The following ART3 variants were observed in gnomAD, a reference collection of about 807,000 sequenced individuals.
The protein encoded by ART3 is ADP-ribosyltransferase 3 (inactive), also known as ecto-ADP-ribosyltransferase 3.
Under a neutral mutation model 48.5 loss-of-function variants are expected in ART3, and 49 were observed. That is an observed-to-expected ratio of 1.01 (90% CI 0.80 to 1.28). ART3 has a LOEUF of 1.28. Among genes scored for constraint, ART3 ranks in the 50% most tolerant of loss-of-function variants. The pLI is 0.00. For synonymous variants in ART3, 145 were observed against 157.2 expected (o/e 0.92, Z 0.58); for missense variants, 438 against 454.3 (o/e 0.96, Z 0.33).
intron 1 of ART3, chr4:76,036,141 T>C: frequency 1.6e-6 from 1 of 633,050 alleles, no homozygotes; most frequent in African/African-American, 1.9e-5. Context: ...GGCACAGGAA[T>C]TTCCCTCTTT....
chr4:76,109,141 T>A (rs1729006478), intron 11 of ART3, among the ~76,000 whole-genome samples: 1 of 152,020 alleles, frequency 6.6e-6, no homozygotes, highest in South Asian at 2.1e-4. Context: ...AAACTTAATT[T>A]TAATCTGACT....
chr4:76,081,087 G>A (rs1461712210), intron 2 of ART3, among the ~76,000 whole-genome samples: 1 of 152,190 alleles, frequency 6.6e-6, no homozygotes. Context: ...TACAACTGGT[G>A]AAGAGTACAG....
chr4:76,042,733 G>T (rs1482682506), intron 1 of ART3, among the ~76,000 whole-genome samples: 2 of 152,152 alleles, frequency 1.3e-5, no homozygotes, highest in Admixed American at 6.5e-5. Flanking sequence ...CGCGGTGAGT[G>T]TTACAGCTCA....
At chr4:76,106,509 C>A in intron 10 of ART3, 1 of 268,912 alleles carries the variant, frequency 3.7e-6, no homozygotes, top group Non-Finnish European at 5.7e-6. Context: ...GAGAGTTTAT[C>A]AGCGGCTTGG....
chr4:76,016,424 G>GTC (rs996100994), intron 1 of ART3, among the ~76,000 whole-genome samples: 4 of 152,124 alleles, frequency 2.6e-5, no homozygotes, highest in African/African-American at 7.2e-5. Flanking sequence ...AACAAATGAA[G>GTC]TCTCTCTCTC....
intron 4 of ART3, among the ~76,000 whole-genome samples, 180 bp from the exon 5 acceptor site, chr4:76,098,775 G>A (rs1042222733): frequency 6.6e-6 from 1 of 151,930 alleles, no homozygotes; most frequent in Admixed American, 6.6e-5. Flanking sequence ...AAATAAAAGT[G>A]AATTCACATC....
intron 1 of ART3, among the ~76,000 whole-genome samples, chr4:76,031,590 A>G (rs1489177564): frequency 6.6e-6 from 1 of 152,226 alleles, no homozygotes; most frequent in East Asian, 1.9e-4. Flanking sequence ...GTAAAATTCA[A>G]GGTTATTTAC....
chr4:76,034,656 C>T, intron 1 of ART3: 2 of 747,318 alleles, frequency 2.7e-6, no homozygotes, highest in Non-Finnish European at 4.5e-6. Context: ...CATAACTGTA[C>T]AAAAGTTGAA....
chr4:76,058,355 T>G (rs1397207160), intron 1 of ART3, among the ~76,000 whole-genome samples: 1 of 152,184 alleles, frequency 6.6e-6, no homozygotes, highest in Non-Finnish European at 1.5e-5. Flanking sequence ...ATGAATTGCT[T>G]GAGTTTGGTC....
chr4:76,106,284 A>G (rs1728452107), intron 10 of ART3: 1 of 985,428 alleles, frequency 1.0e-6, no homozygotes, highest in Non-Finnish European at 1.2e-6. Flanking sequence ...CTGTTAAAAT[A>G]TGGTAATATC....
At chr4:76,022,748 GACC>G in intron 1 of ART3, 1 of 1,613,688 alleles carries the variant, frequency 6.2e-7, no homozygotes, top group South Asian at 1.1e-5. Flanking sequence ...TTTTTCTAAA[GACC>G]TTGGATTAAC....
At chr4:76,040,437 T>TACACACACACACACGCACACACACAC (rs1553926409) in intron 1 of ART3, among the ~76,000 whole-genome samples, 5 of 88,484 alleles carry the variant, frequency 5.7e-5, no homozygotes, top group Admixed American at 1.4e-4. Context: ...ATACACTGGA[T>TACACACACACACACGCACACACACAC]ACACACACAC....
chr4:76,083,687 T>C (rs1722959458), intron 3 of ART3, among the ~76,000 whole-genome samples: 1 of 152,254 alleles, frequency 6.6e-6, no homozygotes, highest in South Asian at 2.1e-4. Context: ...CAGCCAAATC[T>C]ACTTGTTCAG....
At position 76,081,972 on chromosome 4, in the gene ART3, C is replaced by T; in HGVS notation, c.218C>T (p.Ala73Val). ...HQQLDTVWEN[A>V]KAKWAARKTQ... ...CAATTAGATACTGTGTGGGAAAATG[C>T]AAAAGCCAAATGGGCAGCCCGAAAG... The change falls in exon 3 of 12, where the codon GCA becomes GTA. Residue 73 changes from alanine to valine, a missense_variant. By Grantham distance (64) the Ala-to-Val change is moderately conservative (BLOSUM62 0). Transcript: ENST00000355810. 1 of 1,614,132 alleles carries T rather than the reference C, an allele frequency of 6.2e-7. No homozygotes were observed. The highest frequency in any genetic ancestry group is 8.5e-7 in the Non-Finnish European group (1 of 1,180,010).
intron 1 of ART3, among the ~76,000 whole-genome samples, chr4:76,054,453 TG>T (rs1348853008): frequency 3.3e-5 from 5 of 152,174 alleles, no homozygotes; most frequent in Non-Finnish European, 7.3e-5. Flanking sequence ...ACAGGAAAGA[TG>T]TTTTTTGTTC....
chr4:76,016,935 GGTGAA>G (rs1261060449), intron 1 of ART3, among the ~76,000 whole-genome samples: 1 of 152,034 alleles, frequency 6.6e-6, no homozygotes, highest in African/African-American at 2.4e-5. Context: ...GTCTGCTTAT[GGTGAA>G]TGCTGCCCAG....
intron 1 of ART3, chr4:76,035,123 T>C (rs761945223): frequency 6.4e-7 from 1 of 1,566,002 alleles, no homozygotes; most frequent in Admixed American, 1.9e-5. Context: ...GGTAATACTG[T>C]TAAAAGAACA....
At chr4:76,035,853 TA>T in intron 1 of ART3, 2 of 1,330,726 alleles carry the variant, frequency 1.5e-6, no homozygotes, top group Non-Finnish European at 2.1e-6. Context: ...TCTTTTAGGA[TA>T]AAAGTGGAAG....
At position 76,090,706 on chromosome 4, in the gene ART3, C is replaced by T. The variant is rs80124078; in HGVS notation, c.782-6938C>T. On this transcript the variant is annotated intron_variant, in intron 3 of 11. Transcript: ENST00000355810. ...AAACCTAGTCCTGTCCTGTTCATCC[C>T]ATCCTCATAATTAAGAAAAAAAAAT... Among the ~76,000 whole-genome samples the T allele has an allele frequency of 7.7e-3, 1,176 of 152,130 alleles. 12 individuals are homozygous for T. The highest frequency in any genetic ancestry group is 0.027 in the African/African-American group (1,132 of 41,488).
Sources: gnomAD v4.1 joint callset for allele counts (sites outside exome capture counted in the v4.1 genomes callset) on GRCh38, gnomAD v4.1.1 for gene constraint, MANE v1.5 for transcripts, NCBI Gene and HGNC (gene_info 2026-07-23, HGNC 2026-07-21) for gene names.